The following UTRN variants were observed in gnomAD, a reference collection of about 807,000 sequenced individuals.
The protein encoded by UTRN is utrophin, also known as dystrophin-related protein 1.
Under a neutral mutation model 463.9 loss-of-function variants are expected in UTRN, and 283 were observed. That is an observed-to-expected ratio of 0.61 (90% confidence interval 0.55 to 0.67). UTRN has a LOEUF of 0.67. Among genes scored for constraint, UTRN ranks in the 30% least tolerant of loss-of-function variants. The pLI, the probability that UTRN is intolerant of heterozygous loss-of-function variation, is 0.00. For synonymous variants in UTRN, 1,442 were observed against 1,431.5 expected (o/e 1.01, Z -0.17); for missense variants, 3,922 against 4,084.3 (o/e 0.96, Z 1.08).
At chr6:144,315,110 T>C (rs1775199027) in intron 2 of UTRN, among the ~76,000 whole-genome samples, 1 of 152,212 alleles carries the variant, frequency 6.6e-6, no homozygotes, top group African/African-American at 2.4e-5. Context: ...GTTTCTAATT[T>C]GCTTGTTTGA....
At position 144,453,795 on chromosome 6, in the gene UTRN, A is replaced by C. The variant is rs201481657; in HGVS notation, c.2210A>C (p.Glu737Ala). The part of the protein sequence containing the change: ...MKKKLKALEK[E>A]QRERIPRADE... Reference sequence around the variant, plus strand: ...CTTCATTTGCAGGCATTAGAAAAAGAACAGAGAGAAAGAATCCCCAGAGCA... The same window carrying C: ...CTTCATTTGCAGGCATTAGAAAAAGCACAGAGAGAAAGAATCCCCAGAGCA... Residue 737 changes from glutamate to alanine, a missense_variant, in exon 19 of 75, where the codon GAA becomes GCA. By Grantham distance (107) the Glu-to-Ala change is moderately radical. This residue lies in a region of UTRN where 2,349 missense variants were observed against 2,303.8 expected (regional missense o/e 1.02). Coordinates refer to ENST00000367545, the MANE Select transcript of UTRN (RefSeq NM_007124.3). The C allele has an allele frequency of 5.6e-6, 9 of 1,613,346 alleles. No individual in the cohort carries two copies. In the East Asian group the frequency reaches 1.8e-4, roughly 32 times the overall value.
intron 30 of UTRN, among the ~76,000 whole-genome samples, chr6:144,489,658 G>T (rs972657385): frequency 1.3e-5 from 2 of 152,024 alleles, no homozygotes; most frequent in Non-Finnish European, 2.9e-5. Context: ...TTCTCACTCT[G>T]TTGCCCAGGC....
Position 144,820,893 on chromosome 6 carries a change from G to T in UTRN, c.9369G>T (p.Gly3123=). Residue 3123 remains glycine, a synonymous_variant, in exon 66 of 75, where the codon GGG becomes GGT. Coordinates refer to ENST00000367545, the MANE Select transcript of UTRN (RefSeq NM_007124.3). ...TTTCAACCTTATAGACAACATCTGGGGAAGATGTACGAGACTTCACAAAGG... is the reference window on the plus strand; with the variant it reads ...TTTCAACCTTATAGACAACATCTGGTGAAGATGTACGAGACTTCACAAAGG... ...MVEYCIPTTS[G]EDVRDFTKVL... is the part of the protein sequence containing the mutation. 6.2e-7 allele frequency: 1 copy of T among 1,612,870 alleles called. No individual in the cohort carries two copies. The highest frequency in any genetic ancestry group is 8.5e-7 in the Non-Finnish European group (1 of 1,179,454).
chr6:144,598,477 A>T (rs1803886193), intron 51 of UTRN, among the ~76,000 whole-genome samples: 1 of 152,160 alleles, frequency 6.6e-6, no homozygotes, highest in African/African-American at 2.4e-5. Flanking sequence ...ATAGATTGTA[A>T]ATGTTTCTTA....
chr6:144,548,554 A>C, intron 46 of UTRN, 86 bp from the exon 47 acceptor site: 1 of 1,264,040 alleles, frequency 7.9e-7, no homozygotes, highest in Non-Finnish European at 1.1e-6. Flanking sequence ...ATTTTATTTA[A>C]ATACACATAC....
At chr6:144,513,206 CT>C (rs1795324064) in intron 35 of UTRN, among the ~76,000 whole-genome samples, 1 of 152,148 alleles carries the variant, frequency 6.6e-6, no homozygotes, top group South Asian at 2.1e-4. Context: ...CATACAGAAT[CT>C]TTTTCAATTC....
intron 23 of UTRN, among the ~76,000 whole-genome samples, chr6:144,471,896 T>G (rs1243010422): frequency 6.6e-6 from 1 of 152,252 alleles, no homozygotes; most frequent in Non-Finnish European, 1.5e-5. Context: ...ACTTGCCATC[T>G]TCATCAGAGA....
chr6:144,836,028 T>C, intron 70 of UTRN, 90 bp downstream of exon 70: 1 of 1,532,186 alleles, frequency 6.5e-7, no homozygotes. Context: ...TTCAAGACTA[T>C]TGTCTAAGAA....
At chr6:144,728,587 A>G (rs1044666604) in intron 53 of UTRN, among the ~76,000 whole-genome samples, 1 of 147,056 alleles carries the variant, frequency 6.8e-6, no homozygotes, top group Non-Finnish European at 1.5e-5. Flanking sequence ...ACCCACCAAC[A>G]TAGTCATTTA....
intron 18 of UTRN, among the ~76,000 whole-genome samples, chr6:144,453,313 G>T (rs1489812946): frequency 6.6e-6 from 1 of 152,032 alleles, no homozygotes; most frequent in African/African-American, 2.4e-5. Context: ...AGTAGAGTTG[G>T]GGTTTCACCA....
At position 144,440,462 on chromosome 6, in the gene UTRN, C is replaced by G; in HGVS notation, c.1503C>G (p.Asp501Glu). Reference protein sequence around the residue: ...SGESATAILEDQLQKLGERWT... With the variant: ...SGESATAILEEQLQKLGERWT... Reference sequence around the variant, plus strand: ...AGAGTGCTACAGCTATCCTAGAAGACCAGTTACAGGTAAGAGTGCTGTAAA... The same window carrying G: ...AGAGTGCTACAGCTATCCTAGAAGAGCAGTTACAGGTAAGAGTGCTGTAAA... The change falls in exon 13 of 75, where the codon GAC (aspartate) becomes GAG (glutamate). Residue 501 changes from aspartate to glutamate, a missense_variant. By Grantham distance (45) the Asp-to-Glu change is conservative (BLOSUM62 2). Coordinates refer to ENST00000367545, the MANE Select transcript of UTRN (RefSeq NM_007124.3). The G allele has an allele frequency of 6.2e-7, 1 of 1,614,100 alleles. No homozygotes were observed. Among genetic ancestry groups the G allele is most frequent in the South Asian group, 1.1e-5 (1 of 91,080 alleles).
At chr6:144,287,717 CTT>C (rs2114500246) in intron 1 of UTRN, among the ~76,000 whole-genome samples, 1 of 152,262 alleles carries the variant, frequency 6.6e-6, no homozygotes, top group South Asian at 2.1e-4. Flanking sequence ...TACACTCTTG[CTT>C]GGTGGTCCAT....
intron 14 of UTRN, 34 bp from the exon 15 acceptor site, chr6:144,447,177 G>C: frequency 6.4e-7 from 1 of 1,573,318 alleles, no homozygotes; most frequent in Non-Finnish European, 8.7e-7. Context: ...AAATGATTTT[G>C]CAGATAAAGT....
rs543281646 is a variant in UTRN, at chr6:144,496,084, A to C, written c.4593+2628A>C. On this transcript the variant is annotated intron_variant, in intron 33 of 74. Transcript: ENST00000367545. ...GGGCATTTTAGTGAATCCATGCAGG[A>C]GTTGTTGAGCATTTACTGTGAGTGA... Among the ~76,000 whole-genome samples, 4 of 152,262 alleles carry C rather than the reference A, an allele frequency of 2.6e-5. No individual in the cohort carries two copies. The South Asian group carries it at 8.3e-4, about 32-fold the overall frequency.
chr6:144,312,014 C>T (rs1806308352), intron 2 of UTRN: 1 of 152,152 alleles, frequency 6.6e-6, no homozygotes, highest in Non-Finnish European at 1.5e-5. Context: ...TAAGCATGGC[C>T]ACCTGCTAGC....
intron 53 of UTRN, among the ~76,000 whole-genome samples, chr6:144,709,158 C>T (rs1785398040): frequency 1.3e-5 from 2 of 152,132 alleles, no homozygotes; most frequent in African/African-American, 4.8e-5. Flanking sequence ...CGTTGCAATT[C>T]GGGCAAGCTT....
chr6:144,842,745 A>T (rs1452805088), intron 73 of UTRN, among the ~76,000 whole-genome samples: 1 of 152,064 alleles, frequency 6.6e-6, no homozygotes. Flanking sequence ...TTGTAGATCT[A>T]CTATAATGCT....
In UTRN at chr6:144,651,468, A is replaced by G. The variant is rs76535090; in HGVS notation, c.7480-26938A>G. On this transcript the variant is annotated intron_variant, in intron 51 of 74. Transcript: ENST00000367545. ...CTAGATAAGTGTCATAAAGGAAATC[A>G]TGACACAGGTCGTTTGATTTCGAGA... Among the ~76,000 whole-genome samples the G allele has an allele frequency of 3.9e-5, 6 of 152,348 alleles. No homozygotes were observed. In the East Asian group the frequency reaches 1.2e-3, roughly 29 times the overall value.
chr6:144,767,778 A>G (rs1793522465), intron 58 of UTRN, among the ~76,000 whole-genome samples: 1 of 152,212 alleles, frequency 6.6e-6, no homozygotes, highest in South Asian at 2.1e-4. Context: ...GTCTTATCTC[A>G]GAGCAATATA....
Sources: allele counts gnomAD v4.1 joint callset (sites outside exome capture counted in the v4.1 genomes callset), GRCh38; gene constraint gnomAD v4.1.1; regional missense constraint gnomAD v4.1.1; transcripts MANE v1.5; gene names NCBI Gene and HGNC (gene_info 2026-07-23, HGNC 2026-07-21).